PSMA1: variants seen among roughly 807,000 people sequenced by gnomAD.
PSMA1 encodes the protein proteasome subunit alpha type-1.
Under a neutral mutation model 38.4 loss-of-function variants are expected in PSMA1, and 3 were observed. That is an observed-to-expected ratio of 0.08 (90% CI 0.04 to 0.20). PSMA1 has a LOEUF of 0.20. Ranked by LOEUF, PSMA1 falls within the 10% of genes least tolerant of loss-of-function variation. PSMA1 has a pLI of 1.00. For missense variants in PSMA1, 227 were observed against 325.3 expected (o/e 0.70, Z 2.32); for synonymous variants, 101 against 107.1 (o/e 0.94, Z 0.35).
chr11:14,632,204 T>C (rs1324281354), intron 1 of PSMA1, among the ~76,000 whole-genome samples: 1 of 146,778 alleles, frequency 6.8e-6, no homozygotes, highest in African/African-American at 2.7e-5. Context: ...TTTGATCCTG[T>C]CATTATTATG....
chr11:14,528,351 T>A (rs1851609508), intron 2 of PSMA1, among the ~76,000 whole-genome samples: 1 of 152,158 alleles, frequency 6.6e-6, no homozygotes, highest in South Asian at 2.1e-4. Context: ...GTGTCTTTTG[T>A]TTAGTTTCTC....
chr11:14,514,648 G>A (rs949840929), intron 4 of PSMA1, among the ~76,000 whole-genome samples, 157 bp from the exon 5 acceptor site: 1 of 152,176 alleles, frequency 6.6e-6, no homozygotes, highest in Non-Finnish European at 1.5e-5. Context: ...GCAAGGGTGC[G>A]TTTTTGTGCT....
At chr11:14,565,072 C>G (rs1464354226) in intron 2 of PSMA1, among the ~76,000 whole-genome samples, 3 of 152,202 alleles carry the variant, frequency 2.0e-5, no homozygotes, top group African/African-American at 7.2e-5. Context: ...AGCCACAGCA[C>G]CCAGCCTATA....
intron 9 of PSMA1, among the ~76,000 whole-genome samples, chr11:14,506,501 TTC>T (rs1851247472): frequency 6.6e-6 from 1 of 152,128 alleles, no homozygotes; most frequent in South Asian, 2.1e-4. Context: ...CCATACTAGA[TTC>T]TTTTTTACTT....
chr11:14,603,892 C>T (rs1420187599), intron 2 of PSMA1, among the ~76,000 whole-genome samples: 1 of 152,146 alleles, frequency 6.6e-6, no homozygotes, highest in Non-Finnish European at 1.5e-5. Context: ...TTCCATAGAT[C>T]TGGTGACAGG....
At chr11:14,600,867 C>T (rs1163800136) in intron 2 of PSMA1, among the ~76,000 whole-genome samples, 1 of 152,230 alleles carries the variant, frequency 6.6e-6, no homozygotes, top group Non-Finnish European at 1.5e-5. Flanking sequence ...CCTATTTGGC[C>T]ATCTTGGAAT....
At chr11:14,583,819 A>G (rs1852308657) in intron 2 of PSMA1, among the ~76,000 whole-genome samples, 1 of 152,212 alleles carries the variant, frequency 6.6e-6, no homozygotes, top group Admixed American at 6.5e-5. Context: ...ACTTGTGTGC[A>G]CCTGTTAGGT....
chr11:14,539,218 C>T (rs950004962), intron 2 of PSMA1, among the ~76,000 whole-genome samples: 4 of 152,148 alleles, frequency 2.6e-5, no homozygotes, highest in Admixed American at 2.0e-4. Context: ...CTCAGTTGGC[C>T]GGAATGAGAT....
intron 1 of PSMA1, among the ~76,000 whole-genome samples, chr11:14,615,691 T>C (rs1371114180): frequency 6.6e-6 from 1 of 152,240 alleles, no homozygotes; most frequent in Non-Finnish European, 1.5e-5. Flanking sequence ...TCACTCCTTT[T>C]CAGTATGCCA....
chr11:14,564,881 C>T (rs190919142), intron 2 of PSMA1, among the ~76,000 whole-genome samples: 68 of 151,840 alleles, frequency 4.5e-4, no homozygotes, highest in Middle Eastern at 6.8e-3. Context: ...AGGCTCAGGC[C>T]TTCCTCCCAC....
At chr11:14,634,634 G>A (rs576071517) in intron 1 of PSMA1, among the ~76,000 whole-genome samples, 8 of 152,110 alleles carry the variant, frequency 5.3e-5, no homozygotes, top group African/African-American at 1.9e-4. Context: ...ATGAGCCACC[G>A]TGCATAGCCA....
intron 2 of PSMA1, among the ~76,000 whole-genome samples, chr11:14,574,038 A>T (rs2134179691): frequency 6.6e-6 from 1 of 152,316 alleles, no homozygotes; most frequent in African/African-American, 2.4e-5. Context: ...AAATAACCTG[A>T]AACTGGAACT....
At chr11:14,587,627 G>A (rs150557563) in intron 2 of PSMA1, among the ~76,000 whole-genome samples, 265 of 146,664 alleles carry the variant, frequency 1.8e-3, no homozygotes, top group African/African-American at 6.5e-3. Context: ...GATCCCAGCT[G>A]ACATCATGTA....
At chr11:14,535,725 A>G (rs182473150) in intron 2 of PSMA1, among the ~76,000 whole-genome samples, 1 of 152,186 alleles carries the variant, frequency 6.6e-6, no homozygotes, top group Non-Finnish European at 1.5e-5. Flanking sequence ...GATTACAGGC[A>G]TGAGCCACCC....
At chr11:14,526,915 C>T (rs1275784632) in intron 2 of PSMA1, among the ~76,000 whole-genome samples, 1 of 152,186 alleles carries the variant, frequency 6.6e-6, no homozygotes, top group Non-Finnish European at 1.5e-5. Flanking sequence ...CTCTGCCCCC[C>T]TCCACTATCT....
At chr11:14,625,078 T>A (rs771090214) in intron 1 of PSMA1, among the ~76,000 whole-genome samples, 25 of 152,176 alleles carry the variant, frequency 1.6e-4, no homozygotes, top group Non-Finnish European at 2.8e-4. Context: ...ATAGGAAACA[T>A]GGAGGATGTG....
chr11:14,537,002 G>C (rs1270655797), intron 2 of PSMA1, among the ~76,000 whole-genome samples: 2 of 152,202 alleles, frequency 1.3e-5, no homozygotes, highest in Non-Finnish European at 2.9e-5. Flanking sequence ...CAAGAGAACA[G>C]ACATTTTATG....
chr11:14,531,828 T>A (rs192301817), intron 2 of PSMA1, among the ~76,000 whole-genome samples: 4 of 152,278 alleles, frequency 2.6e-5, no homozygotes, highest in African/African-American at 9.6e-5. Context: ...ATCAGTAAGA[T>A]CCCTTCCTCT....
chr11:14,582,773 C>T (rs764346801), intron 2 of PSMA1, among the ~76,000 whole-genome samples: 5 of 151,850 alleles, frequency 3.3e-5, no homozygotes, highest in Admixed American at 6.6e-5. Context: ...TCAAGTGATC[C>T]ACCCATCTCG....
Sources: gnomAD v4.1 joint callset for allele counts (sites outside exome capture counted in the v4.1 genomes callset) on GRCh38, gnomAD v4.1.1 for gene constraint, MANE v1.5 for transcripts, NCBI Gene and HGNC (gene_info 2026-07-23, HGNC 2026-07-21) for gene names.